The following WWOX variants were observed in gnomAD, a reference collection of about 807,000 sequenced individuals.
WWOX encodes the protein WW domain-containing oxidoreductase.
WWOX carries 69 observed loss-of-function variants against 46.2 expected under a neutral mutation model. The ratio of observed to expected loss-of-function variants is 1.49; its 90% confidence interval spans 1.23 to 1.82. WWOX has a LOEUF of 1.82. Among genes scored for constraint, WWOX ranks in the 40% most tolerant of loss-of-function variants. The pLI is 0.00. For synonymous variants in WWOX, 359 were observed against 202.6 expected (o/e 1.77, Z -6.56); for missense variants, 919 against 542.6 (o/e 1.69, Z -6.89).
chr16:78,107,575 G>A lies in WWOX; in HGVS notation c.108-848G>A, dbSNP rs553922981. ...ACCAAAGGTGCACAGCGCACAGCTA[G>A]ATGCCCTATGGGAAGGTCTTACTGC... On this transcript the variant is annotated intron_variant, in intron 1 of 8. Coordinates refer to ENST00000566780, the MANE Select transcript of WWOX (RefSeq NM_016373.4). Among the ~76,000 whole-genome samples, 355 of 152,130 alleles carry A rather than the reference G, an allele frequency of 2.3e-3. 2 individuals are homozygous for A. Among genetic ancestry groups the A allele is most frequent in the African/African-American group, 8.2e-3 (341 of 41,422 alleles).
At chr16:78,493,807 G>C (rs901018383) in intron 8 of WWOX, among the ~76,000 whole-genome samples, 4 of 152,150 alleles carry the variant, frequency 2.6e-5, no homozygotes, top group African/African-American at 9.7e-5. Flanking sequence ...GAATTGTTGT[G>C]TGAGCCTGTA....
chr16:78,770,702 C>T (rs578098770), intron 8 of WWOX, among the ~76,000 whole-genome samples: 92 of 151,712 alleles, frequency 6.1e-4, no homozygotes, highest in Non-Finnish European at 9.6e-4. Context: ...GGAGATGCCC[C>T]TATGGGAGCT....
chr16:78,608,739 T>G (rs1000008819), intron 8 of WWOX, among the ~76,000 whole-genome samples: 1 of 152,078 alleles, frequency 6.6e-6, no homozygotes, highest in Non-Finnish European at 1.5e-5. Context: ...TCATTTGGAG[T>G]ACTGCGGACC....
At chr16:78,332,659 A>G (rs2080788073) in intron 5 of WWOX, among the ~76,000 whole-genome samples, 1 of 152,082 alleles carries the variant, frequency 6.6e-6, no homozygotes, top group Non-Finnish European at 1.5e-5. Context: ...TGTCATTGTG[A>G]TTGGATATGA....
intron 5 of WWOX, among the ~76,000 whole-genome samples, chr16:78,326,770 G>C (rs993102499): frequency 6.6e-6 from 1 of 151,622 alleles, no homozygotes. Flanking sequence ...ATTTAAGTGG[G>C]CAATACACTT....
At chr16:78,400,342 C>T (rs1487278061) in intron 6 of WWOX, among the ~76,000 whole-genome samples, 3 of 152,098 alleles carry the variant, frequency 2.0e-5, no homozygotes, top group African/African-American at 7.2e-5. Flanking sequence ...AAAGCAGTGC[C>T]TCGATTTCCC....
At chr16:78,547,661 G>C (rs2044073024) in intron 8 of WWOX, among the ~76,000 whole-genome samples, 1 of 152,154 alleles carries the variant, frequency 6.6e-6, no homozygotes, top group South Asian at 2.1e-4. Flanking sequence ...GCTGCTGGCA[G>C]ATTGAGTGTT....
intron 6 of WWOX, among the ~76,000 whole-genome samples, chr16:78,394,935 C>A (rs1235255682): frequency 6.6e-6 from 1 of 152,174 alleles, no homozygotes; most frequent in African/African-American, 2.4e-5. Flanking sequence ...TACTGAAAAT[C>A]TCTCAGCGTC....
chr16:78,859,370 T>C (rs956828341), intron 8 of WWOX, among the ~76,000 whole-genome samples: 5 of 152,106 alleles, frequency 3.3e-5, no homozygotes, highest in African/African-American at 1.2e-4. Context: ...GAGCTCTGCC[T>C]TCCAGAAAAG....
intron 8 of WWOX, among the ~76,000 whole-genome samples, chr16:78,693,359 TTC>T (rs1478565675): frequency 6.6e-6 from 1 of 152,166 alleles, no homozygotes; most frequent in Non-Finnish European, 1.5e-5. Context: ...CCAGTTAATT[TTC>T]TCTCTGTTTC....
intron 5 of WWOX, among the ~76,000 whole-genome samples, chr16:78,271,325 C>G (rs2079473600): frequency 6.6e-6 from 1 of 152,148 alleles, no homozygotes; most frequent in South Asian, 2.1e-4. Context: ...AAATCACAAG[C>G]CCATGTAAAC....
chr16:78,438,521 C>G (rs2083380307), intron 8 of WWOX, among the ~76,000 whole-genome samples: 1 of 151,878 alleles, frequency 6.6e-6, no homozygotes, highest in East Asian at 1.9e-4. Flanking sequence ...GTTCCCAGGT[C>G]CAAGCCGGTC....
chr16:78,124,428 C>A (rs2033267990), intron 4 of WWOX: 1 of 152,106 alleles, frequency 6.6e-6, no homozygotes, highest in African/African-American at 2.4e-5. Flanking sequence ...TGACACAGAC[C>A]TTCTTGGACT....
intron 8 of WWOX, among the ~76,000 whole-genome samples, chr16:78,517,711 T>C (rs1224119292): frequency 1.3e-5 from 2 of 152,144 alleles, no homozygotes; most frequent in African/African-American, 4.8e-5. Flanking sequence ...GTTGACTTCA[T>C]GTTGGGACGG....
intron 8 of WWOX, chr16:78,897,841 C>G (rs566112957): frequency 8.5e-5 from 13 of 152,230 alleles, no homozygotes; most frequent in Non-Finnish European, 1.9e-4. Flanking sequence ...TTTGTAATTT[C>G]AGTCTTTTTA....
At chr16:78,894,784 A>C (rs975631741) in intron 8 of WWOX, among the ~76,000 whole-genome samples, 2 of 152,198 alleles carry the variant, frequency 1.3e-5, no homozygotes, top group African/African-American at 4.8e-5. Flanking sequence ...GATGTTTATC[A>C]TATGAAGTTG....
chr16:78,574,774 G>C (rs372481185), intron 8 of WWOX, among the ~76,000 whole-genome samples: 2 of 150,882 alleles, frequency 1.3e-5, no homozygotes, highest in Non-Finnish European at 1.5e-5. Context: ...GAAACAGAGA[G>C]TGAGAATGGT....
intron 8 of WWOX, among the ~76,000 whole-genome samples, chr16:78,647,163 G>A (rs908435279): frequency 2.0e-5 from 3 of 152,148 alleles, no homozygotes; most frequent in Admixed American, 6.5e-5. Flanking sequence ...GGACATCCTT[G>A]AATCAGCCTC....
Position 78,858,210 on chromosome 16 carries a change from C to T in WWOX, c.1057-353398C>T, listed in dbSNP as rs188705000. 8.8e-3 allele frequency among the ~76,000 whole-genome samples: 1,253 copies of T among 141,840 alleles called. 13 individuals are homozygous for T. Among genetic ancestry groups the T allele is most frequent in the Admixed American group, 0.012 (172 of 14,170 alleles). 93.1% of individuals were successfully genotyped at this position (141,840 alleles called of 152,430 possible). On this transcript the variant is annotated intron_variant, in intron 8 of 8. Coordinates refer to ENST00000566780, the MANE Select transcript of WWOX (RefSeq NM_016373.4). ...GCATGATATAAGTTTTTATTTCAAT[C>T]GTTTTAGGGGTAAAGTGGTTTTTGA...
Sources: gnomAD v4.1 joint callset for allele counts (sites outside exome capture counted in the v4.1 genomes callset) on GRCh38, gnomAD v4.1.1 for gene constraint, MANE v1.5 for transcripts, NCBI Gene and HGNC (gene_info 2026-07-23, HGNC 2026-07-21) for gene names.